PAM: variants seen among roughly 807,000 people sequenced by gnomAD.
PAM encodes the protein peptidyl-glycine alpha-amidating monooxygenase.
In PAM, 72 loss-of-function variants were observed where a neutral mutation model predicts 122.1. The observed-to-expected ratio is 0.59, with a 90% CI of 0.49 to 0.72. The LOEUF is 0.72. PAM is among the 30% of genes least tolerant of loss of function. The pLI, the probability that PAM is intolerant of heterozygous loss-of-function variation, is 0.00. For missense variants in PAM, 1,106 were observed against 1,183.7 expected, an observed-to-expected ratio of 0.93 and a Z score of 0.96; for synonymous variants, 389 against 404.4, an observed-to-expected ratio of 0.96 and a Z score of 0.46.
chr5:102,862,189 A>T (rs1489854304), intron 1 of PAM, among the ~76,000 whole-genome samples: 1 of 148,392 alleles, frequency 6.7e-6, no homozygotes, highest in Non-Finnish European at 1.5e-5. Context: ...AAAAAAAAAA[A>T]TTGCCTGTGG....
intron 14 of PAM, among the ~76,000 whole-genome samples, chr5:102,963,534 A>G (rs958780746): frequency 6.6e-6 from 1 of 151,948 alleles, no homozygotes; most frequent in Admixed American, 6.6e-5. Flanking sequence ...ATTTCTTTAC[A>G]TTGTACAATT....
intron 12 of PAM, among the ~76,000 whole-genome samples, chr5:102,952,003 A>C (rs1273755071): frequency 6.6e-6 from 1 of 152,096 alleles, no homozygotes; most frequent in Non-Finnish European, 1.5e-5. Context: ...ATGAGGTAAC[A>C]TGATTCAGAG....
intron 1 of PAM, among the ~76,000 whole-genome samples, chr5:102,763,944 G>A (rs1753134107): frequency 6.6e-6 from 1 of 152,084 alleles, no homozygotes; most frequent in Non-Finnish European, 1.5e-5. Context: ...GTTGGATTGG[G>A]GTGTGCATGT....
At chr5:102,878,960 G>A (rs1271773395) in intron 3 of PAM, among the ~76,000 whole-genome samples, 5 of 151,226 alleles carry the variant, frequency 3.3e-5, no homozygotes, top group South Asian at 4.2e-4. Context: ...ACGGAGTCTC[G>A]CTCTGTCGCC....
intron 1 of PAM, among the ~76,000 whole-genome samples, chr5:102,780,855 C>G (rs902845047): frequency 7.0e-6 from 1 of 142,238 alleles, no homozygotes; most frequent in African/African-American, 2.6e-5. Flanking sequence ...CTCTCTCTCT[C>G]TCTCTTTCTT....
intron 1 of PAM, among the ~76,000 whole-genome samples, chr5:102,805,589 C>T (rs186645886): frequency 9.9e-5 from 15 of 152,252 alleles, no homozygotes; most frequent in Non-Finnish European, 1.9e-4. Flanking sequence ...ACCTCTGGAC[C>T]TCATGCTTCT....
At chr5:102,941,458 T>C (rs985339355) in intron 7 of PAM, among the ~76,000 whole-genome samples, 1 of 152,224 alleles carries the variant, frequency 6.6e-6, no homozygotes, top group Non-Finnish European at 1.5e-5. Flanking sequence ...GGTCATCTGC[T>C]AACCCAGCTT....
At chr5:102,761,624 A>G (rs548267856) in intron 1 of PAM, among the ~76,000 whole-genome samples, 1 of 152,370 alleles carries the variant, frequency 6.6e-6, no homozygotes, top group South Asian at 2.1e-4. Flanking sequence ...TTTGTTTTAA[A>G]ATAGTACTCA....
chr5:102,925,164 A>T (rs1032151743), intron 6 of PAM, 122 bp downstream of exon 6: 3 of 660,008 alleles, frequency 4.5e-6, no homozygotes, highest in Non-Finnish European at 8.4e-6. Context: ...CTTCACAGTG[A>T]AAGTACTTGC....
At chr5:102,947,539 AG>A in intron 8 of PAM, among the ~76,000 whole-genome samples, 1 of 152,248 alleles carries the variant, frequency 6.6e-6, no homozygotes, top group East Asian at 1.9e-4. Flanking sequence ...AAGGATGGGA[AG>A]GAGGTGAGGG....
At chr5:102,776,283 G>A (rs1053102254) in intron 1 of PAM, among the ~76,000 whole-genome samples, 3 of 151,968 alleles carry the variant, frequency 2.0e-5, no homozygotes, top group Admixed American at 1.3e-4. Flanking sequence ...CATTCCGTAG[G>A]TTATCTTTTC....
intron 3 of PAM, among the ~76,000 whole-genome samples, chr5:102,887,205 T>C (rs1793398067): frequency 6.6e-6 from 1 of 152,050 alleles, no homozygotes; most frequent in Non-Finnish European, 1.5e-5. Context: ...AGATCTCTCA[T>C]GAATAGATTA....
intron 1 of PAM, among the ~76,000 whole-genome samples, chr5:102,773,133 CTA>C (rs1756251477): frequency 6.6e-6 from 1 of 152,038 alleles, no homozygotes; most frequent in Non-Finnish European, 1.5e-5. Flanking sequence ...CTTAGGAGGC[CTA>C]GAGTCAGACT....
intron 16 of PAM, among the ~76,000 whole-genome samples, chr5:102,998,117 A>G (rs1776266733): frequency 1.3e-5 from 2 of 152,240 alleles, no homozygotes; most frequent in Middle Eastern, 3.2e-3. Flanking sequence ...ACAGAAGTTC[A>G]GTGTATGCTC....
intron 1 of PAM, chr5:102,837,796 A>G (rs1170378422): frequency 6.6e-6 from 1 of 152,196 alleles, no homozygotes; most frequent in Admixed American, 6.5e-5. Context: ...AAATTAGGTA[A>G]GTCATTTGAA....
chr5:102,781,559 C>T (rs1350157273), intron 1 of PAM, among the ~76,000 whole-genome samples: 1 of 152,190 alleles, frequency 6.6e-6, no homozygotes, highest in Admixed American at 6.5e-5. Context: ...GCTTTGGTGT[C>T]CCCTGTGCTG....
chr5:102,755,196 A>C (rs1749731632), upstream of PAM: 1 of 152,368 alleles, frequency 6.6e-6, no homozygotes, highest in East Asian at 1.9e-4. Flanking sequence ...GGCCCGGCGC[A>C]CGCCGAGGAG....
intron 24 of PAM, among the ~76,000 whole-genome samples, chr5:103,026,330 G>A (rs1784929992): frequency 1.3e-5 from 2 of 152,116 alleles, no homozygotes; most frequent in South Asian, 4.1e-4. Context: ...TCCTATTTCA[G>A]GTCAAGGCAG....
intron 16 of PAM, among the ~76,000 whole-genome samples, chr5:102,996,304 C>T (rs1775679927): frequency 6.6e-6 from 1 of 152,166 alleles, no homozygotes; most frequent in Non-Finnish European, 1.5e-5. Flanking sequence ...GTGAAATGTT[C>T]AGGGTATTAT....
Sources: gnomAD v4.1 joint callset for allele counts (sites outside exome capture counted in the v4.1 genomes callset) on GRCh38, gnomAD v4.1.1 for gene constraint, MANE v1.5 for transcripts, NCBI Gene and HGNC (gene_info 2026-07-23, HGNC 2026-07-21) for gene names.